The following SNX29 variants were observed in gnomAD, a reference collection of about 807,000 sequenced individuals.
The protein encoded by SNX29 is sorting nexin 29, also known as sorting nexin-29.
Under a neutral mutation model 102.1 loss-of-function variants are expected in SNX29, and 78 were observed. The ratio of observed to expected loss-of-function variants is 0.76; its 90% CI spans 0.64 to 0.92. The LOEUF (loss-of-function observed/expected upper bound fraction) is 0.92, where lower values mean the gene tolerates loss of function less well. Among genes scored for constraint, SNX29 ranks in the 40% least tolerant of loss-of-function variants. SNX29 has a pLI of 0.00. For synonymous variants in SNX29, 580 were observed against 414.5 expected, an observed-to-expected ratio of 1.40 and a Z score of -4.85; for missense variants, 1,280 against 1,061.7, an observed-to-expected ratio of 1.21 and a Z score of -2.86.
At chr16:12,319,361 G>A (rs191495431) in intron 15 of SNX29, among the ~76,000 whole-genome samples, 222 of 152,254 alleles carry the variant, frequency 1.5e-3, no homozygotes, top group African/African-American at 4.9e-3. Context: ...GGGCATGATG[G>A]TGCATACCTG....
chr16:12,088,730 G>A (rs182027832), intron 11 of SNX29, among the ~76,000 whole-genome samples: 2 of 152,046 alleles, frequency 1.3e-5, no homozygotes, highest in South Asian at 2.1e-4. Flanking sequence ...AAGATGGCTC[G>A]AATGCAGGAG....
intron 20 of SNX29, among the ~76,000 whole-genome samples, chr16:12,535,307 T>G (rs2077043967): frequency 6.6e-6 from 1 of 152,044 alleles, no homozygotes; most frequent in Non-Finnish European, 1.5e-5. Flanking sequence ...CCCAGCTAAT[T>G]TTTGTATTTT....
At chr16:12,290,713 A>G (rs1190167585) in intron 15 of SNX29, among the ~76,000 whole-genome samples, 1 of 152,086 alleles carries the variant, frequency 6.6e-6, no homozygotes, top group Non-Finnish European at 1.5e-5. Context: ...AGTCTCCTTT[A>G]TGGGTAGCTT....
At chr16:12,218,535 A>T (rs1424409728) in intron 14 of SNX29, among the ~76,000 whole-genome samples, 1 of 152,244 alleles carries the variant, frequency 6.6e-6, no homozygotes, top group Admixed American at 6.5e-5. Flanking sequence ...TGTGGCCTGC[A>T]AACCCCAAAA....
chr16:11,981,463 C>G (rs2150959845), intron 1 of SNX29, among the ~76,000 whole-genome samples: 2 of 152,182 alleles, frequency 1.3e-5, no homozygotes, highest in South Asian at 4.2e-4. Flanking sequence ...ACAGGCTGCC[C>G]TTTAATCTCT....
chr16:11,984,487 C>T (rs891448543), intron 1 of SNX29, among the ~76,000 whole-genome samples: 28 of 152,104 alleles, frequency 1.8e-4, no homozygotes, highest in Non-Finnish European at 4.1e-4. Flanking sequence ...AACTTTACCA[C>T]ATTGCTCCAT....
intron 20 of SNX29, among the ~76,000 whole-genome samples, chr16:12,567,639 A>G (rs558404852): frequency 2.0e-5 from 3 of 152,202 alleles, no homozygotes; most frequent in Non-Finnish European, 2.9e-5. Context: ...GCTAGTACCT[A>G]TAGTCCCAGC....
Position 12,545,831 on chromosome 16 carries a change from G to A in SNX29, c.2318+20990G>A, listed in dbSNP as rs531627365. Among the ~76,000 whole-genome samples, 26 of 152,220 alleles carry A rather than the reference G, an allele frequency of 1.7e-4. No individual in the cohort carries two copies. The East Asian group carries it at 4.3e-3, about 25-fold the overall frequency. On this transcript the variant is annotated intron_variant, in intron 20 of 20. Coordinates refer to ENST00000566228, the MANE Select transcript of SNX29 (RefSeq NM_032167.5). ...TCCCTACTGACTCTCCAGACCTGTG[G>A]GGGAGGGGAGCAGATCACCTCTCCT...
chr16:11,994,546 C>G (rs1014666840), intron 1 of SNX29, among the ~76,000 whole-genome samples: 1 of 152,236 alleles, frequency 6.6e-6, no homozygotes, highest in African/African-American at 2.4e-5. Context: ...TCCTCGGCCA[C>G]TTCCCATGAG....
intron 19 of SNX29, among the ~76,000 whole-genome samples, chr16:12,509,435 TC>T (rs1325240679): frequency 6.6e-6 from 1 of 152,154 alleles, no homozygotes; most frequent in Non-Finnish European, 1.5e-5. Flanking sequence ...CACTGGGAAT[TC>T]CTGGTTGGAA....
chr16:12,177,409 TG>T (rs1263073605), intron 13 of SNX29, among the ~76,000 whole-genome samples: 1 of 152,236 alleles, frequency 6.6e-6, no homozygotes, highest in Non-Finnish European at 1.5e-5. Context: ...ATGATTTTTA[TG>T]GCTCCATTTT....
chr16:12,262,608 A>G (rs1479213273), intron 14 of SNX29, among the ~76,000 whole-genome samples: 2 of 152,208 alleles, frequency 1.3e-5, no homozygotes, highest in Non-Finnish European at 1.5e-5. Flanking sequence ...AGTAAGAGGT[A>G]GCAACACGGC....
At chr16:12,368,665 C>G (rs900955696) in intron 16 of SNX29, among the ~76,000 whole-genome samples, 1 of 152,190 alleles carries the variant, frequency 6.6e-6, no homozygotes, top group Non-Finnish European at 1.5e-5. Context: ...TGCCACTGAT[C>G]CTGAAGGAAT....
intron 15 of SNX29, among the ~76,000 whole-genome samples, chr16:12,348,422 C>T (rs1479439777): frequency 2.6e-5 from 4 of 152,244 alleles, no homozygotes; most frequent in Non-Finnish European, 4.4e-5. Flanking sequence ...CCTTCCCTTA[C>T]TGCTAGGGTC....
At chr16:12,562,065 CCG>C (rs1355534421) in intron 20 of SNX29, among the ~76,000 whole-genome samples, 3 of 149,132 alleles carry the variant, frequency 2.0e-5, no homozygotes, top group Non-Finnish European at 4.5e-5. Flanking sequence ...GTTTTCCTTC[CCG>C]TGTTTTCTGC....
intron 1 of SNX29, among the ~76,000 whole-genome samples, chr16:11,991,557 T>C (rs1420010899): frequency 3.3e-5 from 5 of 152,042 alleles, no homozygotes; most frequent in African/African-American, 1.2e-4. Flanking sequence ...TTTTATTTTA[T>C]TTTGAGATGG....
intron 4 of SNX29, among the ~76,000 whole-genome samples, chr16:12,038,098 A>G (rs1419570219): frequency 6.6e-6 from 1 of 152,236 alleles, no homozygotes; most frequent in African/African-American, 2.4e-5. Flanking sequence ...AGGTATGTTA[A>G]TAACTATGGC....
chr16:12,547,556 G>A (rs1034482565), intron 20 of SNX29, among the ~76,000 whole-genome samples: 1 of 152,038 alleles, frequency 6.6e-6, no homozygotes, highest in Non-Finnish European at 1.5e-5. Flanking sequence ...CCTGAGCTGT[G>A]GTTAACATCC....
chr16:12,534,439 T>A lies in SNX29; in HGVS notation c.2318+9598T>A, dbSNP rs34368474. ...GCCAGCGGCTGCACTCGGTTGCCTGTAGAAAGAACGCAGATTAGGGAGGCT... is the reference window on the plus strand; with the variant it reads ...GCCAGCGGCTGCACTCGGTTGCCTGAAGAAAGAACGCAGATTAGGGAGGCT... On this transcript the variant is annotated intron_variant, in intron 20 of 20. Transcript: ENST00000566228. 5.5e-3 allele frequency among the ~76,000 whole-genome samples: 845 copies of A among 152,338 alleles called. 2 individuals carry two copies. Among genetic ancestry groups the A allele is most frequent in the Middle Eastern group, 0.01 (3 of 294 alleles).
Sources: gnomAD v4.1 joint callset for allele counts (sites outside exome capture counted in the v4.1 genomes callset) on GRCh38, gnomAD v4.1.1 for gene constraint, MANE v1.5 for transcripts, NCBI Gene and HGNC (gene_info 2026-07-23, HGNC 2026-07-21) for gene names.